Variants in PARD3B observed in about 807,000 individuals in gnomAD.
PARD3B encodes partitioning defective 3 homolog B.
In PARD3B, 103 loss-of-function variants were observed where a neutral mutation model predicts 130.2. The ratio of observed to expected loss-of-function variants is 0.79; its 90% CI spans 0.67 to 0.93. The LOEUF is 0.93. PARD3B is among the 40% of genes least tolerant of loss of function. The pLI, the probability that PARD3B is intolerant of heterozygous loss-of-function variation, is 0.00. For missense variants in PARD3B, 1,609 were observed against 1,499.2 expected, an observed-to-expected ratio of 1.07 and a Z score of -1.21; for synonymous variants, 583 against 553.2, an observed-to-expected ratio of 1.05 and a Z score of -0.76.
chr2:205,423,462 G>T (rs1226128048), intron 19 of PARD3B, among the ~76,000 whole-genome samples: 1 of 152,190 alleles, frequency 6.6e-6, no homozygotes, highest in Non-Finnish European at 1.5e-5. Flanking sequence ...CTCAATAAAT[G>T]TTGGAATCAA....
At chr2:205,586,041 C>T (rs2054185337) in intron 22 of PARD3B, among the ~76,000 whole-genome samples, 1 of 152,182 alleles carries the variant, frequency 6.6e-6, no homozygotes, top group African/African-American at 2.4e-5. Context: ...AAGATTTTCT[C>T]CTAATGAGGG....
rs1164584548 is a variant in PARD3B, at chr2:205,241,094, TGG to T, written c.2141-4682_2141-4681del. Among the ~76,000 whole-genome samples the T allele has an allele frequency of 2.0e-5, 3 of 152,218 alleles. No individual in the cohort carries two copies. The highest frequency in any genetic ancestry group is 7.2e-5 in the African/African-American group (3 of 41,474). On this transcript the variant is annotated intron_variant, in intron 15 of 22. Transcript: ENST00000406610. The surrounding 1 kb of genome is among the most constrained non-coding windows in gnomAD (Gnocchi z 4.2). ...CTTTTTAAAAAGATGCCATTGATGC[TGG>T]GCAGTTCTAATTAGCTTCAAAGGCT...
At chr2:204,694,275 A>T (rs1286139503) in intron 2 of PARD3B, among the ~76,000 whole-genome samples, 1 of 152,030 alleles carries the variant, frequency 6.6e-6, no homozygotes, top group East Asian at 1.9e-4. Flanking sequence ...TGTGCTCTGA[A>T]ATTTTATAGA....
At position 205,276,525 on chromosome 2, in the gene PARD3B, T is replaced by C. The variant is rs1204929009; in HGVS notation, c.2186-24005T>C. 6.6e-6 allele frequency among the ~76,000 whole-genome samples: 1 copy of C among 152,134 alleles called. No homozygotes were observed. The highest frequency in any genetic ancestry group is 1.5e-5 in the Non-Finnish European group (1 of 68,022). On this transcript the variant is annotated intron_variant, in intron 16 of 22. Transcript: ENST00000406610. This position sits in a 1 kb window ranked among gnomAD's most constrained non-coding sequence, Gnocchi z 5.0. ...GTTGCAGGGAGAAGCAGGTTGGCAA[T>C]GAGGAGCTAGGCGGGGCCTTCGGGA... is the stretch of plus-strand genomic sequence containing the variant.
chr2:204,896,206 A>G (rs1334075065), intron 2 of PARD3B, among the ~76,000 whole-genome samples: 1 of 152,174 alleles, frequency 6.6e-6, no homozygotes, highest in Admixed American at 6.5e-5. Context: ...AACAAATGAG[A>G]TAACTAGAGG....
At chr2:205,552,934 G>A (rs2052714492) in intron 21 of PARD3B, among the ~76,000 whole-genome samples, 1 of 152,004 alleles carries the variant, frequency 6.6e-6, no homozygotes, top group South Asian at 2.1e-4. Flanking sequence ...AGGGAAACTG[G>A]GTACAGGATG....
intron 19 of PARD3B, among the ~76,000 whole-genome samples, chr2:205,408,721 T>C (rs1378242857): frequency 6.6e-6 from 1 of 152,198 alleles, no homozygotes; most frequent in African/African-American, 2.4e-5. Context: ...ACTTTGGCAC[T>C]ATTTAAACTG....
intron 18 of PARD3B, among the ~76,000 whole-genome samples, chr2:205,380,272 TATATA>T (rs1228889315): frequency 0.045 from 626 of 13,942 alleles, 171 homozygotes; most frequent in Admixed American, 0.065. Context: ...GAATATATAT[TATATA>T]ATATATAAAG....
Position 204,803,250 on chromosome 2 carries a change from C to T in PARD3B, c.222+116968C>T, listed in dbSNP as rs1053080758. Among the ~76,000 whole-genome samples the T allele has an allele frequency of 6.0e-5, 9 of 149,910 alleles. No homozygotes were observed. In the East Asian group the frequency reaches 1.8e-3, roughly 29 times the overall value. On this transcript the variant is annotated intron_variant, in intron 2 of 22. Coordinates refer to ENST00000406610, the MANE Select transcript of PARD3B (RefSeq NM_001302769.2). Reference sequence around the variant, plus strand: ...AGGAGAAATAAAATCCAAGGGATTTCATCAACACCAGACCGGTTCTATAAG... The same window carrying T: ...AGGAGAAATAAAATCCAAGGGATTTTATCAACACCAGACCGGTTCTATAAG...
chr2:205,277,011 T>G (rs569542754), intron 16 of PARD3B, among the ~76,000 whole-genome samples: 1 of 152,232 alleles, frequency 6.6e-6, no homozygotes, highest in South Asian at 2.1e-4. Context: ...TATGTTTGAG[T>G]GATCTGCATA....
intron 20 of PARD3B, among the ~76,000 whole-genome samples, chr2:205,489,101 T>G (rs1242534088): frequency 6.6e-6 from 1 of 152,172 alleles, no homozygotes; most frequent in South Asian, 2.1e-4. Context: ...TGCCATCCAG[T>G]GTGAACTTTT....
intron 22 of PARD3B, among the ~76,000 whole-genome samples, 187 bp from the exon 23 acceptor site, chr2:205,615,269 C>T (rs1353994365): frequency 6.6e-6 from 1 of 152,074 alleles, no homozygotes; most frequent in Admixed American, 6.5e-5. Context: ...TGCTGGCCAA[C>T]AGGAAGGAGA....
intron 11 of PARD3B, among the ~76,000 whole-genome samples, chr2:205,168,493 T>G (rs2125738400): frequency 6.6e-6 from 1 of 152,292 alleles, no homozygotes; most frequent in Middle Eastern, 3.4e-3. Context: ...CATAAAAAGC[T>G]GATTGTCTTT....
intron 10 of PARD3B, among the ~76,000 whole-genome samples, chr2:205,126,299 C>T (rs996186491): frequency 1.1e-4 from 16 of 152,230 alleles, no homozygotes; most frequent in South Asian, 8.3e-4. Context: ...TTCAAGTAAT[C>T]TGTCCTAAAC....
At chr2:205,527,705 C>A (rs1472367993) in intron 21 of PARD3B, among the ~76,000 whole-genome samples, 1 of 152,194 alleles carries the variant, frequency 6.6e-6, no homozygotes, top group Non-Finnish European at 1.5e-5. Context: ...TCCTTTCATT[C>A]TTCGTATCCG....
intron 2 of PARD3B, among the ~76,000 whole-genome samples, chr2:204,935,144 TA>T (rs1453097284): frequency 1.1e-4 from 13 of 121,864 alleles, no homozygotes; most frequent in African/African-American, 3.8e-4. Flanking sequence ...TTGTTTTCCC[TA>T]CTTTTTTTTT....
In PARD3B at chr2:205,547,873, G is replaced by A. The variant is rs2052445236; in HGVS notation, c.3181-5451G>A. On this transcript the variant is annotated intron_variant, in intron 21 of 22. Coordinates refer to ENST00000406610, the MANE Select transcript of PARD3B (RefSeq NM_001302769.2). ...ATCATGCCAGTACATTGGCTGCAAG[G>A]GAATCCAGAGAAAGGTAGTTTTTAG... Among the ~76,000 whole-genome samples, 3 of 152,086 alleles carry A rather than the reference G, an allele frequency of 2.0e-5. No homozygotes were observed. The South Asian group carries it at 6.2e-4, about 32-fold the overall frequency.
Position 205,470,362 on chromosome 2 carries a change from C to A in PARD3B, c.3045-29534C>A, listed in dbSNP as rs1337487318. ...CCCTCTTAGCTCCTGTTGAACTCGGCTTTTCTGACTGTCTTCAGACCTCTT... is the reference window on the plus strand; with the variant it reads ...CCCTCTTAGCTCCTGTTGAACTCGGATTTTCTGACTGTCTTCAGACCTCTT... On this transcript the variant is annotated intron_variant, in intron 20 of 22. Transcript: ENST00000406610. The surrounding 1 kb of genome is among the most constrained non-coding windows in gnomAD (Gnocchi z 4.8). Among the ~76,000 whole-genome samples the A allele has an allele frequency of 6.6e-6, 1 of 152,138 alleles. No homozygotes were observed. The highest frequency in any genetic ancestry group is 2.4e-5 in the African/African-American group (1 of 41,436).
At chr2:205,046,167 A>G (rs1415368965) in intron 3 of PARD3B, among the ~76,000 whole-genome samples, 1 of 152,074 alleles carries the variant, frequency 6.6e-6, no homozygotes, top group African/African-American at 2.4e-5. Context: ...CAGATTACCT[A>G]AGGGACAGAA....
Sources: gnomAD v4.1 joint callset for allele counts (sites outside exome capture counted in the v4.1 genomes callset) on GRCh38, gnomAD v4.1.1 for gene constraint, Gnocchi (gnomAD v3.1) non-coding constraint, MANE v1.5 for transcripts, NCBI Gene and HGNC (gene_info 2026-07-23, HGNC 2026-07-21) for gene names.